The following UNC45A variants were observed in gnomAD, a reference collection of about 807,000 sequenced individuals.
The protein encoded by UNC45A is unc-45 myosin chaperone A.
UNC45A carries 78 observed loss-of-function variants against 103.2 expected under a neutral mutation model. The observed-to-expected ratio is 0.76, with a 90% CI of 0.63 to 0.91. UNC45A has a LOEUF of 0.91. UNC45A is among the 40% of genes least tolerant of loss of function. UNC45A has a pLI of 0.00. For synonymous variants in UNC45A, 495 were observed against 504.6 expected (o/e 0.98, Z 0.25); for missense variants, 1,193 against 1,224.8 (o/e 0.97, Z 0.39).
intron 9 of UNC45A, among the ~76,000 whole-genome samples, chr15:90,945,742 C>T (rs904892114): frequency 6.6e-6 from 1 of 151,274 alleles, no homozygotes; most frequent in Non-Finnish European, 1.5e-5. Context: ...AAGCAATTCT[C>T]CTGCCTCAGC....
chr15:90,932,160 C>T (rs754310590), upstream of UNC45A: 2 of 1,544,180 alleles, frequency 1.3e-6, no homozygotes, highest in African/African-American at 1.4e-5. Flanking sequence ...AGTCCCAAGG[C>T]GGTGTGTTGT....
In UNC45A at chr15:90,935,306, A is replaced by G. The variant is rs751138040; in HGVS notation, c.-19A>G. ...CCCCAGAGACTGCGCCTGCGCGGGC[A>G]CGAGACAACCTCTCCGCGATGACTG... On this transcript the variant is annotated 5_prime_UTR_variant, in exon 1 of 20. Coordinates refer to ENST00000418476, the MANE Select transcript of UNC45A (RefSeq NM_018671.5). The G allele has an allele frequency of 1.3e-6, 2 of 1,598,220 alleles. No individual in the cohort carries two copies. The highest frequency in any genetic ancestry group is 2.2e-5 in the South Asian group (2 of 89,732).
Position 90,953,714 on chromosome 15 carries a change from T to G in UNC45A, c.2833T>G (p.Ter945GlyextTer20), listed in dbSNP as rs2037065637. 1 of 1,612,814 alleles carries G rather than the reference T, an allele frequency of 6.2e-7. No individual in the cohort carries two copies. The highest frequency in any genetic ancestry group is 1.1e-5 in the South Asian group (1 of 91,042). Residue 945 changes from the stop codon to glycine, a stop_lost, in exon 20 of 20, where the codon TGA (stop) becomes GGA (glycine). Coordinates refer to ENST00000418476, the MANE Select transcript of UNC45A (RefSeq NM_018671.5). ...TATCCAACCCAACCAAGATGGAGAG[T>G]GAGGGGGTTGTCCCTGGGCCCAAGG... ...GLIQPNQDGE[*>G]
chr15:90,951,272 T>G (rs1002003076), intron 17 of UNC45A, among the ~76,000 whole-genome samples: 6 of 152,248 alleles, frequency 3.9e-5, no homozygotes, highest in African/African-American at 1.4e-4. Context: ...CCCAAAGTGC[T>G]GGGATTACAG....
At chr15:90,934,354 C>T (rs2035906492), upstream of UNC45A, 2 of 399,178 alleles carry the variant, frequency 5.0e-6, no homozygotes, top group Non-Finnish European at 8.8e-6. Flanking sequence ...GTCCACCACC[C>T]TCACTTGTGC....
rs766056003 is a variant in UNC45A at position 90,940,440 on chromosome 15, G to T, written c.654G>T (p.Thr218=). ...ETDLMLAALR[T]LVGICSEHQS... The stretch of plus-strand genomic sequence containing the variant: ...ACCTCATGCTGGCGGCTCTGCGTAC[G>T]CTGGTTGGCATTTGCTCTGAGCATC... Residue 218 remains threonine, a synonymous_variant, in exon 6 of 20, where the codon ACG becomes ACT. Coordinates refer to ENST00000418476, the MANE Select transcript of UNC45A (RefSeq NM_018671.5). The T allele has an allele frequency of 1.2e-6, 2 of 1,613,798 alleles. No homozygotes were observed. Among genetic ancestry groups the T allele is most frequent in the South Asian group, 1.1e-5 (1 of 91,072 alleles).
intron 19 of UNC45A, 48 bp downstream of exon 19, chr15:90,953,358 C>T (rs949159898): frequency 1.3e-6 from 2 of 1,592,968 alleles, no homozygotes; most frequent in Admixed American, 3.4e-5. Context: ...CAGGAACTCC[C>T]AGCAGCAGCT....
chr15:90,949,418 A>C lies in UNC45A; in HGVS notation c.1981A>C (p.Ser661Arg). 6.2e-7 allele frequency: 1 copy of C among 1,613,816 alleles called. No homozygotes were observed. Among genetic ancestry groups the C allele is most frequent in the South Asian group, 1.1e-5 (1 of 91,084 alleles). Reference sequence around the variant, plus strand: ...GAAGACGGAGAGCCCTGTGCTGACCAGTTCCTGCAGAGAGCTGCTCTCCAG... The same window carrying C: ...GAAGACGGAGAGCCCTGTGCTGACCCGTTCCTGCAGAGAGCTGCTCTCCAG... Reference protein sequence around the residue: ...MVKTESPVLTSSCRELLSRVF... With the variant: ...MVKTESPVLTRSCRELLSRVF... Residue 661 changes from serine (S) to arginine (R), a missense_variant, in exon 14 of 20, where the codon AGT becomes CGT. By Grantham distance (110) the Ser-to-Arg change is moderately radical (BLOSUM62 -1). Coordinates refer to ENST00000418476, the MANE Select transcript of UNC45A (RefSeq NM_018671.5).
intron 16 of UNC45A, 49 bp downstream of exon 16, chr15:90,950,316 C>T (rs539288241): frequency 6.5e-7 from 1 of 1,538,142 alleles, no homozygotes; most frequent in Non-Finnish European, 8.8e-7. Flanking sequence ...TCCCTGATGG[C>T]CTGTGGGCTG....
At position 90,944,933 on chromosome 15, in the gene UNC45A, C is replaced by T; in HGVS notation, c.1069C>T (p.Pro357Ser). Residue 357 changes from proline (P) to serine (S), a missense_variant, in exon 9 of 20, where the codon CCT becomes TCT. Pro to Ser is a moderately conservative substitution (Grantham distance 74, BLOSUM62 -1). Coordinates refer to ENST00000418476, the MANE Select transcript of UNC45A (RefSeq NM_018671.5). Reference protein sequence around the residue: ...ILEVGGSLQDPPGELAVTANS... With the variant: ...ILEVGGSLQDSPGELAVTANS... The stretch of plus-strand genomic sequence containing the variant: ...GGAAGTGGGGGGCTCTCTACAGGAC[C>T]CTCCTGGGGAGCTCGCAGTGACCGC... The T allele has an allele frequency of 6.2e-7, 1 of 1,612,452 alleles. No individual in the cohort carries two copies. The highest frequency in any genetic ancestry group is 8.5e-7 in the Non-Finnish European group (1 of 1,180,022).
Position 90,950,565 on chromosome 15 carries a change from C to G in UNC45A, c.2253C>G (p.Phe751Leu), listed in dbSNP as rs189500978. 5 of 1,614,072 alleles carry G rather than the reference C, an allele frequency of 3.1e-6. No individual in the cohort carries two copies. The highest frequency in any genetic ancestry group is 4.2e-6 in the Non-Finnish European group (5 of 1,180,036). ...TCAACTGCTCAGGCCTGCAGAACTTCGAGGCGCTCATGGCCCTAACAAACC... is the reference window on the plus strand; with the variant it reads ...TCAACTGCTCAGGCCTGCAGAACTTGGAGGCGCTCATGGCCCTAACAAACC... ...LHLNCSGLQN[F>L]EALMALTNLA... Residue 751 changes from phenylalanine to leucine, a missense_variant, in exon 17 of 20, where the codon TTC (phenylalanine) becomes TTG (leucine). Physicochemically the swap from Phe to Leu is conservative, Grantham distance 22. Coordinates refer to ENST00000418476, the MANE Select transcript of UNC45A (RefSeq NM_018671.5).
In UNC45A at chr15:90,935,685, G is replaced by A. The variant is rs1007165892; in HGVS notation, c.193G>A (p.Ala65Thr). The A allele has an allele frequency of 3.2e-6, 5 of 1,564,730 alleles. No individual in the cohort carries two copies. The East Asian group carries it at 1.1e-4, about 35-fold the overall frequency. The change falls in exon 2 of 20, where the codon GCC becomes ACC. Residue 65 changes from alanine to threonine, a missense_variant. By Grantham distance (58) the Ala-to-Thr change is moderately conservative. Transcript: ENST00000418476. ...CCAGGCCGTTCTGCACCGGAACCGG[G>A]CCGCCTGCCACCTCAAGCTGGTGAG... ...QDQAVLHRNR[A>T]ACHLKLEDYD... is the part of the protein sequence containing the mutation.
intron 6 of UNC45A, 61 bp from the exon 7 acceptor site, chr15:90,942,376 G>T: frequency 6.5e-7 from 1 of 1,539,946 alleles, no homozygotes; most frequent in Non-Finnish European, 8.8e-7. Flanking sequence ...CACAGTTAGG[G>T]ATCTCTGTGG....
intron 9 of UNC45A, among the ~76,000 whole-genome samples, chr15:90,945,289 G>A (rs2036506194): frequency 6.6e-6 from 1 of 152,068 alleles, no homozygotes; most frequent in African/African-American, 2.4e-5. Context: ...TGCAACAAAC[G>A]CCATCAAGCA....
At chr15:90,951,062 C>T (rs2036881517) in intron 17 of UNC45A, among the ~76,000 whole-genome samples, 1 of 152,156 alleles carries the variant, frequency 6.6e-6, no homozygotes, top group Non-Finnish European at 1.5e-5. Context: ...GCCTAGAGGG[C>T]AGTGGCATGA....
At position 90,948,265 on chromosome 15, in the gene UNC45A, T is replaced by C; in HGVS notation, c.1719T>C (p.Ala573=). ...EFVEDAAALK[A]LFQLSRLEER... The stretch of plus-strand genomic sequence containing the variant: ...TGGAGGATGCGGCTGCTCTGAAAGC[T>C]CTGTTCCAGCTCAGCAGGGTAGCTC... The change falls in exon 12 of 20, where the codon GCT becomes GCC. Residue 573 remains alanine, a synonymous_variant. Transcript: ENST00000418476. 1.2e-6 allele frequency: 2 copies of C among 1,613,946 alleles called. No individual in the cohort carries two copies. Among genetic ancestry groups the C allele is most frequent in the Non-Finnish European group, 1.7e-6 (2 of 1,180,032 alleles).
In UNC45A at chr15:90,946,933, G is replaced by T; in HGVS notation, c.1500+19G>T. 1 of 1,570,026 alleles carries T rather than the reference G, an allele frequency of 6.4e-7. No homozygotes were observed. Among genetic ancestry groups the T allele is most frequent in the South Asian group, 1.2e-5 (1 of 86,756 alleles). The stretch of plus-strand genomic sequence containing the variant: ...GCTAGTGGTGAGACGGTGGGCCTGG[G>T]GTGGGTGGGCAGGCAGCCAGGCAGG... On this transcript the variant is annotated intron_variant, in intron 10 of 19. Transcript: ENST00000418476.
chr15:90,940,515 G>T, intron 6 of UNC45A, 42 bp downstream of exon 6: 1 of 1,577,592 alleles, frequency 6.3e-7, no homozygotes, highest in Non-Finnish European at 8.6e-7. Context: ...CAGTCCCTTT[G>T]TCTGTCTGTC....
At position 90,935,356 on chromosome 15, in the gene UNC45A, C is replaced by A. The variant is rs202031609; in HGVS notation, c.32C>A (p.Pro11His). ...GTGAGTGGTCCAGGGACCCCCGAGC[C>A]CCGGCCGGCCACCCCCGGGGTGCGT... is the stretch of plus-strand genomic sequence containing the variant. The part of the protein sequence containing the change: MTVSGPGTPE[P>H]RPATPGASSV... The change falls in exon 1 of 20, where the codon CCC becomes CAC. Residue 11 changes from proline to histidine, a missense_variant. Pro to His is a moderately conservative substitution (Grantham distance 77). Transcript: ENST00000418476. The A allele has an allele frequency of 2.5e-6, 4 of 1,603,720 alleles. No homozygotes were observed. Among genetic ancestry groups the A allele is most frequent in the African/African-American group, 2.7e-5 (2 of 74,754 alleles).
Sources: allele counts gnomAD v4.1 joint callset (sites outside exome capture counted in the v4.1 genomes callset), GRCh38; gene constraint gnomAD v4.1.1; transcripts MANE v1.5; gene names NCBI Gene and HGNC (gene_info 2026-07-23, HGNC 2026-07-21).